Variants in GALC observed in about 807,000 individuals in gnomAD.
The protein encoded by GALC is galactocerebrosidase.
Under a neutral mutation model 91.8 loss-of-function variants are expected in GALC, and 77 were observed. The ratio of observed to expected loss-of-function variants is 0.84; its 90% CI spans 0.70 to 1.01. The LOEUF is 1.01. Ranked by LOEUF, GALC falls within the 50% of genes least tolerant of loss-of-function variation. The pLI is 0.00. For synonymous variants in GALC, 357 were observed against 306.7 expected (o/e 1.16, Z -1.71); for missense variants, 882 against 855.9 (o/e 1.03, Z -0.38).
chr14:87,980,149 G>A (rs1042936433), intron 6 of GALC, among the ~76,000 whole-genome samples: 3 of 152,272 alleles, frequency 2.0e-5, no homozygotes, highest in South Asian at 2.1e-4. Context: ...TTGGGAGGCC[G>A]AGGCGGGCGG....
chr14:87,982,447 A>C (rs1343270719), intron 5 of GALC, among the ~76,000 whole-genome samples: 2 of 152,140 alleles, frequency 1.3e-5, no homozygotes, highest in Non-Finnish European at 2.9e-5. Flanking sequence ...ATTTTTAAAA[A>C]CCTTAAAATA....
intron 16 of GALC, among the ~76,000 whole-genome samples, chr14:87,939,329 G>A (rs1228286377): frequency 2.3e-5 from 3 of 127,670 alleles, no homozygotes; most frequent in Non-Finnish European, 5.0e-5. Context: ...AGCTATCTTG[G>A]GAGAGACCAA....
At chr14:87,938,671 C>T (rs887688097) in intron 16 of GALC, among the ~76,000 whole-genome samples, 1 of 151,886 alleles carries the variant, frequency 6.6e-6, no homozygotes, top group African/African-American at 2.4e-5. Context: ...TAAAGACTTA[C>T]ACATAAAAAT....
chr14:87,979,557 A>G (rs1886651000), intron 6 of GALC, among the ~76,000 whole-genome samples: 1 of 152,242 alleles, frequency 6.6e-6, no homozygotes, highest in Non-Finnish European at 1.5e-5. Flanking sequence ...CACTGGAGTC[A>G]GCAACAGACT....
intron 12 of GALC, 84 bp downstream of exon 12, chr14:87,949,761 A>G: frequency 1.3e-6 from 1 of 742,116 alleles, no homozygotes; most frequent in East Asian, 2.6e-5. Flanking sequence ...TAAAAATAAA[A>G]ATTCTTAATT....
chr14:87,982,691 A>G (rs1306517160), intron 5 of GALC, among the ~76,000 whole-genome samples: 2 of 152,220 alleles, frequency 1.3e-5, no homozygotes, highest in Non-Finnish European at 2.9e-5. Context: ...AGAGAATCAC[A>G]GTAATACACT....
In GALC at chr14:87,988,207, G is replaced by A. The variant is rs1887052893; in HGVS notation, c.265C>T (p.Pro89Ser). ...RSQILDYLFKPNFGASLHILK... is the reference protein window; with the variant it reads ...RSQILDYLFKSNFGASLHILK... ...ATATGCAAAGAGGCACCAAAATTCG[G>A]CTGTGAAAAGAAGTAACAGTATTAA... The change falls in exon 3 of 17, where the codon CCG becomes TCG. Residue 89 changes from proline (P) to serine (S), a missense_variant and splice_region_variant. Physicochemically the swap from Pro to Ser is moderately conservative, Grantham distance 74. Transcript: ENST00000261304. 6.2e-7 allele frequency: 1 copy of A among 1,613,000 alleles called. No individual in the cohort carries two copies. Among genetic ancestry groups the A allele is most frequent in the Admixed American group, 1.7e-5 (1 of 59,980 alleles).
intron 14 of GALC, among the ~76,000 whole-genome samples, chr14:87,943,952 C>G (rs1302316669): frequency 6.6e-6 from 1 of 152,080 alleles, no homozygotes; most frequent in Non-Finnish European, 1.5e-5. Flanking sequence ...TCTTCCTGAG[C>G]AGGGGAATAA....
At position 87,993,104 on chromosome 14, in the gene GALC, C is replaced by G. The variant is rs111887056; in HGVS notation, c.61G>C (p.Ala21Pro). Residue 21 changes from alanine (A) to proline (P), a missense_variant, in exon 1 of 17, where the codon GCG becomes CCG. Physicochemically the swap from Ala to Pro is conservative, Grantham distance 27 (BLOSUM62 -1). Coordinates refer to ENST00000261304, the MANE Select transcript of GALC (RefSeq NM_000153.4). The stretch of plus-strand genomic sequence containing the variant: ...ACCGCGGCGCGGCCCGCCGAACCCG[C>G]GGCCGCAGTCATAGCTTTCGCTCGG... ...QRRAKAMTAA[A>P]GSAGRAAVPL... 0.14 allele frequency: 220,959 copies of G among 1,586,544 alleles called. 16,679 individuals are homozygous for G. The highest frequency in any genetic ancestry group is 0.16 in the Middle Eastern group (927 of 5,906).
At chr14:87,954,421 C>G (rs1885432827) in intron 10 of GALC, 2 of 1,594,368 alleles carry the variant, frequency 1.3e-6, no homozygotes, top group Admixed American at 1.7e-5. Context: ...CTGGAGCAGC[C>G]TGGTACCCTC....
At chr14:87,952,062 A>T (rs1179005956) in intron 10 of GALC, among the ~76,000 whole-genome samples, 1 of 151,926 alleles carries the variant, frequency 6.6e-6, no homozygotes, top group Non-Finnish European at 1.5e-5. Flanking sequence ...CTGTGGAAAT[A>T]AAATTTTTTT....
intron 1 of GALC, among the ~76,000 whole-genome samples, chr14:87,990,632 C>T (rs1454548756): frequency 1.3e-5 from 2 of 152,330 alleles, no homozygotes; most frequent in Non-Finnish European, 2.9e-5. Flanking sequence ...TCCTACGCTA[C>T]GCCATTAATA....
At chr14:87,960,634 A>G (rs379911) in intron 10 of GALC, among the ~76,000 whole-genome samples, 146,039 of 152,238 alleles carry the variant, frequency 0.96, 70,346 homozygotes, top group East Asian at 1. Flanking sequence ...CAGATATATA[A>G]GTCAACAGAA....
chr14:87,992,843 C>G lies in GALC; in HGVS notation c.195+127G>C, dbSNP rs1459213188. 29 of 1,405,658 alleles carry G rather than the reference C, an allele frequency of 2.1e-5. 1 individual carries two copies. The South Asian group carries it at 3.6e-4, about 17-fold the overall frequency. The allele number at this position is 1,405,658 out of a possible 1,614,324, so 87.1% of individuals were successfully genotyped here. ...CGCCCCAACCGCCTGCTGACTGGCA[C>G]CCTAGGGGAATGCGGCGGAGAGTGG... On this transcript the variant is annotated intron_variant, in intron 1 of 16. Transcript: ENST00000261304.
intron 5 of GALC, among the ~76,000 whole-genome samples, chr14:87,983,078 T>C (rs1397612728): frequency 6.6e-6 from 1 of 152,008 alleles, no homozygotes; most frequent in Non-Finnish European, 1.5e-5. Context: ...GGTGGCTCAT[T>C]CCTGTAATCC....
At chr14:87,960,368 A>G (rs1885751570) in intron 10 of GALC, among the ~76,000 whole-genome samples, 1 of 152,210 alleles carries the variant, frequency 6.6e-6, no homozygotes, top group African/African-American at 2.4e-5. Context: ...GACGGTTAAC[A>G]GTAAGGTTTT....
At chr14:87,956,620 AC>A (rs775218195) in intron 10 of GALC, among the ~76,000 whole-genome samples, 17,370 of 79,742 alleles carry the variant, frequency 0.22, 1,501 homozygotes, top group African/African-American at 0.43. Flanking sequence ...ACACACACAC[AC>A]CATATATATA....
intron 10 of GALC, among the ~76,000 whole-genome samples, chr14:87,955,363 G>A (rs1025060882): frequency 1.3e-5 from 2 of 152,062 alleles, no homozygotes; most frequent in Non-Finnish European, 2.9e-5. Context: ...ATCCTGTGAG[G>A]TTTAAAAAGA....
chr14:87,941,594 A>T lies in GALC; in HGVS notation c.1671-36T>A. On this transcript the variant is annotated intron_variant, in intron 14 of 16. Coordinates refer to ENST00000261304, the MANE Select transcript of GALC (RefSeq NM_000153.4). ...AAACGGTTGATTAGTACTCTTTAAA[A>T]TATGCCCTTTGTAACATAGTACAGA... 2.2e-6 allele frequency: 3 copies of T among 1,353,918 alleles called. 1 individual carries two copies. In the South Asian group the frequency reaches 3.5e-5, roughly 16 times the overall value. 83.9% of individuals were successfully genotyped at this position (1,353,918 alleles called of 1,614,324 possible).
Sources: gnomAD v4.1 joint callset for allele counts (sites outside exome capture counted in the v4.1 genomes callset) on GRCh38, gnomAD v4.1.1 for gene constraint, MANE v1.5 for transcripts, NCBI Gene and HGNC (gene_info 2026-07-23, HGNC 2026-07-21) for gene names.